CATSPERT: variants seen among roughly 807,000 people sequenced by gnomAD.
CATSPERT encodes catsper channel auxiliary subunit tau, also known as cation channel sperm-associated targeting subunit tau.
chr2:201,506,909 T>TA, the CATSPERT span, among the ~76,000 whole-genome samples: 1 of 152,176 alleles, frequency 6.6e-6, no homozygotes, highest in East Asian at 1.9e-4. Context: ...GGAATAGGAT[T>TA]AAAAAAGTGC....
the CATSPERT span, among the ~76,000 whole-genome samples, chr2:201,518,436 C>T: frequency 6.6e-6 from 1 of 152,234 alleles, no homozygotes; most frequent in Non-Finnish European, 1.5e-5. Context: ...AATAGGACAT[C>T]ATCTATACAG....
At chr2:201,522,710 C>A in the CATSPERT span, among the ~76,000 whole-genome samples, 1 of 152,172 alleles carries the variant, frequency 6.6e-6, no homozygotes, top group Non-Finnish European at 1.5e-5. Context: ...AGGGCTCCAA[C>A]CTGTGTGGAG....
chr2:201,520,007 C>T, the CATSPERT span, among the ~76,000 whole-genome samples: 1 of 152,052 alleles, frequency 6.6e-6, no homozygotes. Context: ...GAAAAGCAAG[C>T]AGGGATAGCT....
the CATSPERT span, among the ~76,000 whole-genome samples, chr2:201,490,049 G>A: frequency 6.6e-6 from 1 of 152,094 alleles, no homozygotes; most frequent in Non-Finnish European, 1.5e-5. Context: ...TAGAGATGGA[G>A]TTTCACCATG....
At chr2:201,504,982 G>A in the CATSPERT span, among the ~76,000 whole-genome samples, 1 of 152,208 alleles carries the variant, frequency 6.6e-6, no homozygotes, top group African/African-American at 2.4e-5. Context: ...TTCTGTGAAG[G>A]CACACTGTAA....
At chr2:201,570,217 T>A in the CATSPERT span, among the ~76,000 whole-genome samples, 1 of 152,100 alleles carries the variant, frequency 6.6e-6, no homozygotes, top group African/African-American at 2.4e-5. Flanking sequence ...TAAGTCCATA[T>A]CAATAAACTC....
chr2:201,580,032 G>A, the CATSPERT span, among the ~76,000 whole-genome samples: 1 of 151,900 alleles, frequency 6.6e-6, no homozygotes, highest in African/African-American at 2.4e-5. Flanking sequence ...TATGTGTGTA[G>A]AGACAGGGTC....
At chr2:201,619,093 G>T in the CATSPERT span, 2 of 1,614,214 alleles carry the variant, frequency 1.2e-6, no homozygotes, top group Non-Finnish European at 1.7e-6. Flanking sequence ...GTTATCAAGT[G>T]TGCTGAAAGG....
chr2:201,601,656 T>C, the CATSPERT span: 1 of 1,348,772 alleles, frequency 7.4e-7, no homozygotes, highest in South Asian at 1.4e-5. Flanking sequence ...TTTCTACTCA[T>C]TTTTATAAAA....
chr2:201,505,595 A>G, the CATSPERT span, among the ~76,000 whole-genome samples: 1 of 150,362 alleles, frequency 6.7e-6, no homozygotes, highest in Admixed American at 6.7e-5. Context: ...GCTAGTGCTC[A>G]TCAAGATTGT....
chr2:201,618,883 G>C, the CATSPERT span: 1 of 1,612,212 alleles, frequency 6.2e-7, no homozygotes, highest in South Asian at 1.1e-5. Context: ...GTGCCGGCCA[G>C]GCCCCCGCTC....
chr2:201,523,154 C>T, the CATSPERT span, among the ~76,000 whole-genome samples: 2 of 152,218 alleles, frequency 1.3e-5, no homozygotes, highest in African/African-American at 4.8e-5. Context: ...GTGGACCTTG[C>T]CGCTGCCATC....
chr2:201,557,160 C>T, the CATSPERT span: 1 of 152,172 alleles, frequency 6.6e-6, no homozygotes, highest in Non-Finnish European at 1.5e-5. Context: ...CTTTCTGTTA[C>T]ATGATCAATC....
the CATSPERT span, chr2:201,536,179 T>A: frequency 4.3e-6 from 7 of 1,613,468 alleles, no homozygotes; most frequent in African/African-American, 5.3e-5. Context: ...GTTTCCTGGT[T>A]AGAAATAGTG....
At chr2:201,544,659 A>G in the CATSPERT span, among the ~76,000 whole-genome samples, 1 of 152,006 alleles carries the variant, frequency 6.6e-6, no homozygotes. Context: ...GTCATAGTTA[A>G]TATTTTAACT....
At chr2:201,584,786 A>G in the CATSPERT span, among the ~76,000 whole-genome samples, 1 of 152,142 alleles carries the variant, frequency 6.6e-6, no homozygotes, top group Non-Finnish European at 1.5e-5. Flanking sequence ...CTGTCTCAAA[A>G]AAAAAGAAAG....
chr2:201,504,400 T>C, the CATSPERT span, among the ~76,000 whole-genome samples: 3 of 152,218 alleles, frequency 2.0e-5, no homozygotes, highest in Non-Finnish European at 4.4e-5. Context: ...TTGGTCACTC[T>C]TGACACAGTT....
the CATSPERT span, among the ~76,000 whole-genome samples, chr2:201,506,709 A>C: frequency 6.6e-6 from 1 of 152,044 alleles, no homozygotes; most frequent in Admixed American, 6.6e-5. Flanking sequence ...GCCTGCCACC[A>C]TGCCTGGCTA....
chr2:201,570,954 G>C, the CATSPERT span, among the ~76,000 whole-genome samples: 1 of 152,086 alleles, frequency 6.6e-6, no homozygotes, highest in Non-Finnish European at 1.5e-5. Context: ...AGAATTAGAA[G>C]CTCCTTGGCA....
Sources: allele counts gnomAD v4.1 joint callset (sites outside exome capture counted in the v4.1 genomes callset), GRCh38; gene constraint gnomAD v4.1.1; transcripts MANE v1.5; gene names NCBI Gene and HGNC (gene_info 2026-07-23, HGNC 2026-07-21).